LRP1B: variants seen among roughly 807,000 people sequenced by gnomAD.
The protein encoded by LRP1B is low-density lipoprotein receptor-related protein 1B.
A neutral mutation model predicts 556.6 loss-of-function variants in LRP1B; 217 were observed. That is an observed-to-expected ratio of 0.39 (90% CI 0.35 to 0.44). The LOEUF (loss-of-function observed/expected upper bound fraction) is 0.44. Among genes scored for constraint, LRP1B ranks in the 20% least tolerant of loss-of-function variants. The pLI, the probability that LRP1B is intolerant of heterozygous loss-of-function variation, is 1.00. For synonymous variants in LRP1B, 2,047 were observed against 1,865.8 expected, an observed-to-expected ratio of 1.10 and a Z score of -2.50; for missense variants, 5,053 against 5,620.8, an observed-to-expected ratio of 0.90 and a Z score of 3.23.
intron 2 of LRP1B, among the ~76,000 whole-genome samples, chr2:141,768,464 T>A (rs544050450): frequency 2.0e-4 from 31 of 152,292 alleles, no homozygotes; most frequent in African/African-American, 7.2e-4. Flanking sequence ...AAGGGTTTTT[T>A]AATTTCATTA....
intron 6 of LRP1B, among the ~76,000 whole-genome samples, chr2:141,225,998 T>TG (rs1370182105): frequency 6.6e-6 from 1 of 152,104 alleles, no homozygotes; most frequent in Non-Finnish European, 1.5e-5. Flanking sequence ...TTTGCTAACA[T>TG]GAAAAAGTTG....
intron 27 of LRP1B, among the ~76,000 whole-genome samples, chr2:140,852,825 C>T (rs1692500363): frequency 1.3e-5 from 2 of 151,480 alleles, no homozygotes; most frequent in Non-Finnish European, 1.5e-5. Flanking sequence ...TTTTATGTTC[C>T]TTGTTCTGTC....
intron 1 of LRP1B, among the ~76,000 whole-genome samples, chr2:142,063,779 G>A (rs898778098): frequency 1.3e-4 from 19 of 151,518 alleles, no homozygotes; most frequent in African/African-American, 4.6e-4. Flanking sequence ...AAAATTTCAA[G>A]GATTTCAGTT....
intron 2 of LRP1B, among the ~76,000 whole-genome samples, chr2:141,666,622 C>T (rs1690448160): frequency 6.6e-6 from 1 of 152,190 alleles, no homozygotes; most frequent in African/African-American, 2.4e-5. Flanking sequence ...AAAAATCTAT[C>T]CCTGGTCTCA....
intron 29 of LRP1B, among the ~76,000 whole-genome samples, chr2:140,846,463 A>G (rs1692277180): frequency 6.6e-6 from 1 of 152,114 alleles, no homozygotes; most frequent in Non-Finnish European, 1.5e-5. Context: ...AGGCTGAGGA[A>G]GGAAAATCAC....
chr2:141,935,070 A>G (rs1325133641), intron 1 of LRP1B, among the ~76,000 whole-genome samples: 12 of 149,128 alleles, frequency 8.0e-5, no homozygotes, highest in Non-Finnish European at 1.0e-4. Context: ...AAAAAATGAC[A>G]GTAAGACAGA....
intron 7 of LRP1B, among the ~76,000 whole-genome samples, chr2:141,122,420 A>C (rs371428469): frequency 0.039 from 5,412 of 140,414 alleles, 232 homozygotes; most frequent in East Asian, 0.16. Context: ...AAAAAAAAAA[A>C]CATCAAAAAG....
chr2:141,018,636 A>C (rs188854877), intron 12 of LRP1B, among the ~76,000 whole-genome samples: 64 of 152,252 alleles, frequency 4.2e-4, no homozygotes, highest in Non-Finnish European at 5.1e-4. Flanking sequence ...TAGCTCTATC[A>C]GAAAACATTT....
At chr2:140,997,141 C>A (rs989787184) in intron 15 of LRP1B, among the ~76,000 whole-genome samples, 1 of 151,928 alleles carries the variant, frequency 6.6e-6, no homozygotes, top group South Asian at 2.1e-4. Context: ...TATAATTTAA[C>A]CAGGATCAAA....
intron 20 of LRP1B, among the ~76,000 whole-genome samples, chr2:140,929,034 C>A (rs537031016): frequency 6.6e-6 from 1 of 152,092 alleles, no homozygotes; most frequent in African/African-American, 2.4e-5. Flanking sequence ...AGAGAAGTGA[C>A]GGTGATATAA....
At chr2:142,126,575 T>C (rs1489111702) in intron 1 of LRP1B, among the ~76,000 whole-genome samples, 2 of 151,900 alleles carry the variant, frequency 1.3e-5, no homozygotes, top group Non-Finnish European at 2.9e-5. Context: ...AATGCATCTA[T>C]CTAGAATGAA....
At chr2:141,648,109 G>C (rs1689648218) in intron 2 of LRP1B, among the ~76,000 whole-genome samples, 1 of 151,970 alleles carries the variant, frequency 6.6e-6, no homozygotes, top group African/African-American at 2.4e-5. Context: ...AAAAATTGTG[G>C]AGCAGGAGCT....
chr2:142,102,213 A>C (rs1706590825), intron 1 of LRP1B, among the ~76,000 whole-genome samples: 1 of 151,990 alleles, frequency 6.6e-6, no homozygotes, highest in Non-Finnish European at 1.5e-5. Context: ...TCAAAACATT[A>C]GCCTTATGCA....
intron 7 of LRP1B, among the ~76,000 whole-genome samples, chr2:141,178,844 T>C (rs890103600): frequency 1.2e-5 from 1 of 82,216 alleles, no homozygotes; most frequent in Non-Finnish European, 2.7e-5. Flanking sequence ...CCTTGATTCT[T>C]GAATAACTCC....
At chr2:140,710,948 T>C (rs1687010382) in intron 37 of LRP1B, among the ~76,000 whole-genome samples, 1 of 152,044 alleles carries the variant, frequency 6.6e-6, no homozygotes, top group Admixed American at 6.6e-5. Context: ...AGTAATGTGT[T>C]ATCTAATGAG....
Position 140,796,053 on chromosome 2 carries a change from A to ATC in LRP1B, c.5359+17603_5359+17604insGA, listed in dbSNP as rs72159402. Among the ~76,000 whole-genome samples, 2 of 151,034 alleles carry ATC rather than the reference A, an allele frequency of 1.3e-5. 1 individual carries two copies. The highest frequency in any genetic ancestry group is 3.0e-5 in the Non-Finnish European group (2 of 67,572). ...TATGTAACAATTATGTCCCTGCTCT[A>ATC]TATCTATCTATCTATCTATCTATGT... is the stretch of plus-strand genomic sequence containing the variant. On this transcript the variant is annotated intron_variant, in intron 32 of 90. Coordinates refer to ENST00000389484, the MANE Select transcript of LRP1B (RefSeq NM_018557.3).
At chr2:141,554,278 GGAATAGACATAGATATAGATTATATA>G (rs1685878708) in intron 2 of LRP1B, among the ~76,000 whole-genome samples, 1 of 143,804 alleles carries the variant, frequency 7.0e-6, no homozygotes, top group South Asian at 2.3e-4. Flanking sequence ...TATATCTATA[GGAATAGACATAGATATAGATTATATA>G]TATCTATAGG....
At chr2:141,214,334 T>C (rs1215851089) in intron 6 of LRP1B, among the ~76,000 whole-genome samples, 1 of 152,182 alleles carries the variant, frequency 6.6e-6, no homozygotes, top group Non-Finnish European at 1.5e-5. Flanking sequence ...TAGCTGACAG[T>C]TTCTCAAAGG....
chr2:140,346,666 C>G (rs565076162), intron 77 of LRP1B, among the ~76,000 whole-genome samples: 17 of 151,874 alleles, frequency 1.1e-4, no homozygotes, highest in African/African-American at 3.6e-4. Context: ...CACACACACA[C>G]GCTTACTTGT....
Sources: gnomAD v4.1 joint callset for allele counts (sites outside exome capture counted in the v4.1 genomes callset) on GRCh38, gnomAD v4.1.1 for gene constraint, MANE v1.5 for transcripts, NCBI Gene and HGNC (gene_info 2026-07-23, HGNC 2026-07-21) for gene names.